The following SPRR2G variants were observed in gnomAD, a reference collection of about 807,000 sequenced individuals.
The protein encoded by SPRR2G is small proline rich protein 2G.
SPRR2G carries 1 observed loss-of-function variant against 0.7 expected under a neutral mutation model. The observed-to-expected ratio is 1.49, with a 90% CI of 0.53 to 7.06. The LOEUF (loss-of-function observed/expected upper bound fraction) is 7.06. Ranked by LOEUF, SPRR2G falls within the 30% of genes most tolerant of loss-of-function variation. The probability of loss-of-function intolerance (pLI) is 0.14; values close to 1 mark genes in which losing one functional copy is unlikely to be tolerated. For missense variants in SPRR2G, 96 were observed against 88.5 expected, an observed-to-expected ratio of 1.09 and a Z score of -0.34; for synonymous variants, 38 against 33.9, an observed-to-expected ratio of 1.12 and a Z score of -0.42.
At chr1:153,174,271 T>C in the SPRR2G span, among the ~76,000 whole-genome samples, 4 of 152,170 alleles carry the variant, frequency 2.6e-5, no homozygotes, top group Admixed American at 2.6e-4. Flanking sequence ...AGGATATTAA[T>C]TACAAACAAC....
the SPRR2G span, among the ~76,000 whole-genome samples, chr1:153,157,752 C>T: frequency 0.04 from 6,075 of 151,982 alleles, 310 homozygotes; most frequent in African/African-American, 0.11. Context: ...ACCATTAGTC[C>T]GTTCTCACAC....
In SPRR2G at chr1:153,150,133, T is replaced by C. The variant is rs564450494; in HGVS notation, c.-21-2A>G. 226 of 1,611,212 alleles carry C rather than the reference T, an allele frequency of 1.4e-4. No individual in the cohort carries two copies. In the South Asian group the frequency reaches 2.4e-3, roughly 17 times the overall value. On this transcript the variant is annotated splice_acceptor_variant, in intron 1 of 1. Transcript: ENST00000368748. LOFTEE classifies it low-confidence loss of function (5UTR_SPLICE). Reference sequence around the variant, plus strand: ...CATCTCTCCTCAGTCTCAGAGAATCTGAAAGATACATACGAAACAGTGCTC... The same window carrying C: ...CATCTCTCCTCAGTCTCAGAGAATCCGAAAGATACATACGAAACAGTGCTC...
the SPRR2G span, among the ~76,000 whole-genome samples, chr1:153,184,612 ATG>A: frequency 4.6e-5 from 7 of 152,216 alleles, no homozygotes; most frequent in Non-Finnish European, 8.8e-5. Context: ...GGCTGAGAAA[ATG>A]GGGTTTTCTA....
At chr1:153,191,629 A>T in the SPRR2G span, 1 of 152,222 alleles carries the variant, frequency 6.6e-6, no homozygotes, top group African/African-American at 2.4e-5. Flanking sequence ...TGAGTAAAAA[A>T]GTCAAATAAT....
At chr1:153,196,545 G>C in the SPRR2G span, among the ~76,000 whole-genome samples, 1 of 152,176 alleles carries the variant, frequency 6.6e-6, no homozygotes, top group Non-Finnish European at 1.5e-5. Context: ...TCCAGCCCAT[G>C]CTGCCTCCTG....
the SPRR2G span, among the ~76,000 whole-genome samples, chr1:153,178,791 A>T: frequency 1.3e-5 from 2 of 152,152 alleles, no homozygotes; most frequent in African/African-American, 2.4e-5. Context: ...TAACCTGAAA[A>T]AGACTTGGTG....
chr1:153,200,558 G>A, the SPRR2G span, among the ~76,000 whole-genome samples: 3 of 152,158 alleles, frequency 2.0e-5, no homozygotes, highest in Non-Finnish European at 4.4e-5. Context: ...AATATGACTG[G>A]CATGTTATGA....
chr1:153,150,227 C>T (rs1264869071), intron 1 of SPRR2G, 96 bp from the exon 2 acceptor site: 2 of 1,509,626 alleles, frequency 1.3e-6, no homozygotes, highest in South Asian at 1.3e-5. Context: ...TAGGGACCAA[C>T]TTTGATCCCT....
the SPRR2G span, chr1:153,190,241 A>T: frequency 6.6e-6 from 1 of 152,402 alleles, no homozygotes; most frequent in Non-Finnish European, 1.5e-5. Context: ...AATACCACTT[A>T]TGCCAGCAAG....
At chr1:153,153,884 T>G (rs1425752560), upstream of SPRR2G, among the ~76,000 whole-genome samples, 1 of 152,168 alleles carries the variant, frequency 6.6e-6, no homozygotes, top group Non-Finnish European at 1.5e-5. Flanking sequence ...AGAGTGAGTG[T>G]CCTTGCTTTG....
At chr1:153,151,097 T>A (rs1656458400), upstream of SPRR2G, among the ~76,000 whole-genome samples, 1 of 152,264 alleles carries the variant, frequency 6.6e-6, no homozygotes, top group Non-Finnish European at 1.5e-5. Context: ...AGGTTCCTCA[T>A]GCCAGTGGCA....
At chr1:153,183,672 C>T in the SPRR2G span, among the ~76,000 whole-genome samples, 2 of 152,042 alleles carry the variant, frequency 1.3e-5, no homozygotes, top group Non-Finnish European at 2.9e-5. Context: ...TGCAGGTTGC[C>T]TGTTCACTCT....
At chr1:153,159,347 C>T in the SPRR2G span, among the ~76,000 whole-genome samples, 4,109 of 152,310 alleles carry the variant, frequency 0.027, 179 homozygotes, top group African/African-American at 0.093. Context: ...GTGACCTTTA[C>T]TCCAGTTCCC....
chr1:153,196,998 T>C, the SPRR2G span, among the ~76,000 whole-genome samples: 1 of 152,076 alleles, frequency 6.6e-6, no homozygotes, highest in African/African-American at 2.4e-5. Flanking sequence ...CCGGTAGAGC[T>C]TCACTCAAGA....
the SPRR2G span, among the ~76,000 whole-genome samples, chr1:153,197,384 T>C: frequency 2.0e-5 from 3 of 152,026 alleles, no homozygotes; most frequent in Non-Finnish European, 1.5e-5. Flanking sequence ...CTGGGCCTCA[T>C]ACAGATATAT....
At chr1:153,169,489 C>A in the SPRR2G span, among the ~76,000 whole-genome samples, 2 of 151,776 alleles carry the variant, frequency 1.3e-5, no homozygotes, top group Admixed American at 6.6e-5. Flanking sequence ...TTGCTTGAAC[C>A]CGGGAGGCAG....
At chr1:153,187,221 AT>A in the SPRR2G span, among the ~76,000 whole-genome samples, 2 of 152,068 alleles carry the variant, frequency 1.3e-5, no homozygotes, top group Non-Finnish European at 2.9e-5. Flanking sequence ...TGTTCTCTGT[AT>A]TTCCTGAATT....
the SPRR2G span, among the ~76,000 whole-genome samples, chr1:153,179,209 C>T: frequency 3.3e-5 from 5 of 152,076 alleles, no homozygotes; most frequent in Admixed American, 6.6e-5. Flanking sequence ...ATCAGACCAG[C>T]CTGTATAAAC....
the SPRR2G span, among the ~76,000 whole-genome samples, chr1:153,198,648 G>A: frequency 6.6e-6 from 1 of 152,186 alleles, no homozygotes; most frequent in East Asian, 1.9e-4. Flanking sequence ...TTGGTGGACA[G>A]GATGCTATTC....
Sources: allele counts gnomAD v4.1 joint callset (sites outside exome capture counted in the v4.1 genomes callset), GRCh38; gene constraint gnomAD v4.1.1; transcripts MANE v1.5; gene names NCBI Gene and HGNC (gene_info 2026-07-23, HGNC 2026-07-21).